SFMBT1: variants seen among roughly 807,000 people sequenced by gnomAD.
The protein encoded by SFMBT1 is Scm like with four mbt domains 1.
In SFMBT1, 32 loss-of-function variants were observed where a neutral mutation model predicts 108.7. That is an observed-to-expected ratio of 0.29 (90% CI 0.22 to 0.40). SFMBT1 has a LOEUF of 0.40. SFMBT1 is among the 10% of genes least tolerant of loss of function. The pLI, the probability that SFMBT1 is intolerant of heterozygous loss-of-function variation, is 1.00. For synonymous variants in SFMBT1, 348 were observed against 369.5 expected, an observed-to-expected ratio of 0.94 and a Z score of 0.67; for missense variants, 816 against 1,059.6, an observed-to-expected ratio of 0.77 and a Z score of 3.19.
chr3:52,925,509 TAGA>T (rs1360811798), intron 10 of SFMBT1, among the ~76,000 whole-genome samples: 1 of 152,192 alleles, frequency 6.6e-6, no homozygotes, highest in Non-Finnish European at 1.5e-5. Context: ...ACTCAAAAGA[TAGA>T]AGGTTTTTAT....
At chr3:52,976,308 A>G (rs935931810) in intron 1 of SFMBT1, among the ~76,000 whole-genome samples, 42 of 152,324 alleles carry the variant, frequency 2.8e-4, no homozygotes, top group African/African-American at 9.6e-4. Context: ...CAATAAAGTA[A>G]AATAAAGTTG....
intron 1 of SFMBT1, among the ~76,000 whole-genome samples, chr3:53,022,158 A>G (rs1038646030): frequency 1.3e-5 from 2 of 152,210 alleles, no homozygotes; most frequent in Non-Finnish European, 2.9e-5. Flanking sequence ...CTGTAGAAAC[A>G]GCCTAGCTGG....
At chr3:53,024,678 A>G (rs1699427284) in intron 1 of SFMBT1, among the ~76,000 whole-genome samples, 1 of 152,254 alleles carries the variant, frequency 6.6e-6, no homozygotes, top group African/African-American at 2.4e-5. Context: ...ATGTGCTAGC[A>G]CTACTTAGAG....
intron 2 of SFMBT1, among the ~76,000 whole-genome samples, chr3:52,967,805 CAA>C (rs1401724280): frequency 1.3e-5 from 2 of 152,110 alleles, no homozygotes; most frequent in Non-Finnish European, 2.9e-5. Flanking sequence ...ATGGCTTAAA[CAA>C]AAGTAATGAC....
intron 1 of SFMBT1, among the ~76,000 whole-genome samples, chr3:52,990,684 AGAG>A (rs1355342578): frequency 2.6e-5 from 4 of 152,214 alleles, no homozygotes; most frequent in Non-Finnish European, 5.9e-5. Context: ...AAAGGGAGGG[AGAG>A]AAGAAGGAAA....
rs1358678242 is a variant in SFMBT1, at chr3:52,921,840, T to C, written c.1132-9A>G. 6.2e-7 allele frequency: 1 copy of C among 1,613,268 alleles called. No homozygotes were observed. ...TCATGTTCAGAAATTAACTAGAAAA[T>C]GAATGAATCAAATCAATTTACTGGA... On this transcript the variant is annotated splice_polypyrimidine_tract_variant and intron_variant, in intron 10 of 20. Transcript: ENST00000394752.
intron 1 of SFMBT1, among the ~76,000 whole-genome samples, chr3:52,971,490 TA>T (rs1321596821): frequency 1.3e-5 from 2 of 152,172 alleles, no homozygotes; most frequent in African/African-American, 2.4e-5. Flanking sequence ...TTTACTTTTC[TA>T]CCCCAAGCCC....
chr3:52,915,938 C>T (rs1451319502), intron 14 of SFMBT1, among the ~76,000 whole-genome samples: 1 of 152,134 alleles, frequency 6.6e-6, no homozygotes, highest in Non-Finnish European at 1.5e-5. Context: ...TAAAGAATAG[C>T]TACAATTATT....
At chr3:52,908,259 A>G (rs1702126576) in intron 17 of SFMBT1, among the ~76,000 whole-genome samples, 1 of 151,768 alleles carries the variant, frequency 6.6e-6, no homozygotes, top group Admixed American at 6.6e-5. Context: ...CTTTTAGTAG[A>G]GACGGGGTTT....
intron 1 of SFMBT1, among the ~76,000 whole-genome samples, chr3:53,045,572 GCGCGGGAC>G (rs1482558029): frequency 7.0e-6 from 1 of 141,940 alleles, no homozygotes. Flanking sequence ...GCCGGCCGGC[GCGCGGGAC>G]CGCGGGGCCG....
At chr3:52,982,729 C>CAAAAAAAAAAAAAAAAAAAA (rs34099481) in intron 1 of SFMBT1, among the ~76,000 whole-genome samples, 8 of 69,106 alleles carry the variant, frequency 1.2e-4, no homozygotes, top group African/African-American at 4.5e-4. Context: ...ACTCCCATCT[C>CAAAAAAAAAAAAAAAAAAAA]AAAAAAAAAA....
At chr3:52,924,025 C>T (rs1702589668) in intron 10 of SFMBT1, among the ~76,000 whole-genome samples, 1 of 152,172 alleles carries the variant, frequency 6.6e-6, no homozygotes, top group South Asian at 2.1e-4. Context: ...AGCTTTATAG[C>T]TTTTAACTTC....
In SFMBT1 at chr3:52,959,601, T is replaced by C. The variant is rs115510699; in HGVS notation, c.29-5190A>G. On this transcript the variant is annotated intron_variant, in intron 2 of 20. Transcript: ENST00000394752. ...ATCTCCCAGTGTCCTTCATGCTCCA[T>C]TTCATTCAAGTCTCTACTCAAATGT... Among the ~76,000 whole-genome samples the C allele has an allele frequency of 9.0e-3, 1,370 of 152,334 alleles. 16 individuals are homozygous for C. Among genetic ancestry groups the C allele is most frequent in the African/African-American group, 0.031 (1,279 of 41,574 alleles).
At chr3:52,951,019 G>C (rs1553637510) in intron 3 of SFMBT1, among the ~76,000 whole-genome samples, 1 of 150,092 alleles carries the variant, frequency 6.7e-6, no homozygotes. Context: ...AGCTACTCTG[G>C]AGGCTGAGGC....
chr3:52,911,100 G>A lies in SFMBT1; in HGVS notation c.1809C>T (p.Thr603=), dbSNP rs140490832. The A allele has an allele frequency of 3.5e-4, 563 of 1,614,154 alleles. 7 individuals are homozygous for A. In the South Asian group the frequency reaches 4.9e-3, roughly 14 times the overall value. Residue 603 remains threonine, a synonymous_variant, in exon 17 of 21, where the codon ACC becomes ACT. Transcript: ENST00000394752. ...ADRVTEFCRQ[T]CIKLECCPNL... is the part of the protein sequence containing the mutation. ...TAGGACAGCATTCCAGTTTGATACA[G>A]GTTTGCCGGCAGAATTCAGTCACCC...
intron 12 of SFMBT1, among the ~76,000 whole-genome samples, chr3:52,919,311 G>A (rs1702449602): frequency 6.6e-6 from 1 of 152,128 alleles, no homozygotes; most frequent in Admixed American, 6.5e-5. Context: ...AACAAAATGT[G>A]TCAGATTTAT....
intron 1 of SFMBT1, among the ~76,000 whole-genome samples, chr3:52,994,501 A>C (rs1199725332): frequency 1.3e-5 from 2 of 150,092 alleles, no homozygotes; most frequent in Non-Finnish European, 3.0e-5. Context: ...TTAGAGGAAC[A>C]TGTTTGTTTG....
At chr3:52,997,084 C>A (rs565065060) in intron 1 of SFMBT1, among the ~76,000 whole-genome samples, 1 of 146,552 alleles carries the variant, frequency 6.8e-6, no homozygotes, top group South Asian at 2.2e-4. Flanking sequence ...AAAACAAAAA[C>A]AAAAACAAAA....
intron 1 of SFMBT1, chr3:53,045,366 A>AGCGCGGGGCGC (rs1292297771): frequency 7.4e-6 from 1 of 134,418 alleles, no homozygotes; most frequent in Non-Finnish European, 1.6e-5. Flanking sequence ...CGGCGGGCGG[A>AGCGCGGGGCGC]GCGCGGGGCG....
Sources: gnomAD v4.1 joint callset for allele counts (sites outside exome capture counted in the v4.1 genomes callset) on GRCh38, gnomAD v4.1.1 for gene constraint, MANE v1.5 for transcripts, NCBI Gene and HGNC (gene_info 2026-07-23, HGNC 2026-07-21) for gene names.